Variants in FAM184B observed in about 807,000 individuals in gnomAD.
FAM184B encodes the protein family with sequence similarity 184 member B.
A neutral mutation model predicts 135.9 loss-of-function variants in FAM184B; 111 were observed. The observed-to-expected ratio is 0.82, with a 90% CI of 0.70 to 0.96. The LOEUF is 0.96. Ranked by LOEUF, FAM184B falls within the 40% of genes least tolerant of loss-of-function variation. FAM184B has a pLI of 0.00. For synonymous variants in FAM184B, 552 were observed against 524.8 expected, an observed-to-expected ratio of 1.05 and a Z score of -0.71; for missense variants, 1,375 against 1,323.9, an observed-to-expected ratio of 1.04 and a Z score of -0.60.
intron 12 of FAM184B, among the ~76,000 whole-genome samples, chr4:17,644,209 T>C (rs2108932195): frequency 6.6e-6 from 1 of 152,340 alleles, no homozygotes; most frequent in East Asian, 1.9e-4. Flanking sequence ...CTTTCTCCAA[T>C]GGGAACCACC....
At chr4:17,633,966 C>CTCACCCAATCAAAATTG (rs1715046216) in intron 16 of FAM184B, 78 bp from the exon 17 acceptor site, 3 of 1,159,210 alleles carry the variant, frequency 2.6e-6, no homozygotes, top group Non-Finnish European at 3.4e-6. Flanking sequence ...GCAAATAATG[C>CTCACCCAATCAAAATTG]TCACCCAATC....
At chr4:17,742,113 AATATAC>A (rs1413015851) in intron 1 of FAM184B, among the ~76,000 whole-genome samples, 2 of 147,410 alleles carry the variant, frequency 1.4e-5, no homozygotes, top group Admixed American at 6.9e-5. Context: ...ACTACAATAA[AATATAC>A]ATATACATAT....
At position 17,632,429 on chromosome 4, in the gene FAM184B, T is replaced by G; in HGVS notation, c.*103A>C. 1 of 973,902 alleles carries G rather than the reference T, an allele frequency of 1.0e-6. No homozygotes were observed. Among genetic ancestry groups the G allele is most frequent in the Non-Finnish European group, 1.5e-6 (1 of 657,138 alleles). The allele number at this position is 973,902 out of a possible 1,614,324, so 60.3% of individuals were successfully genotyped here. A position where few individuals can be genotyped will look rare whatever the true frequency, so the allele number is the denominator to read the frequency against. On this transcript the variant is annotated 3_prime_UTR_variant, in exon 18 of 18. Coordinates refer to ENST00000265018, the MANE Select transcript of FAM184B (RefSeq NM_015688.2). ...TGTTTTAGCTATCATATATAAATCA[T>G]AAGCATATTATTTGGTTGGTTGGTG...
rs559687534 is a variant in FAM184B, at chr4:17,761,201, A to C, written c.141+19958T>G. ...CTCAGCTCACTGTCAGCACAAAGGGAGTCCCCTCACATGTCCTTATTAGAA... is the reference window on the plus strand; with the variant it reads ...CTCAGCTCACTGTCAGCACAAAGGGCGTCCCCTCACATGTCCTTATTAGAA... On this transcript the variant is annotated intron_variant, in intron 1 of 17. Coordinates refer to ENST00000265018, the MANE Select transcript of FAM184B (RefSeq NM_015688.2). 1.1e-4 allele frequency among the ~76,000 whole-genome samples: 16 copies of C among 152,178 alleles called. No individual in the cohort carries two copies. The South Asian group carries it at 3.3e-3, about 32-fold the overall frequency.
At chr4:17,655,705 G>A (rs753502680) in intron 10 of FAM184B, among the ~76,000 whole-genome samples, 3 of 152,212 alleles carry the variant, frequency 2.0e-5, no homozygotes, top group Non-Finnish European at 2.9e-5. Context: ...GACACATAGT[G>A]TAGTGATCAT....
intron 8 of FAM184B, among the ~76,000 whole-genome samples, chr4:17,662,221 T>C (rs1428230786): frequency 6.6e-6 from 1 of 152,250 alleles, no homozygotes; most frequent in Non-Finnish European, 1.5e-5. Context: ...CATGAATACA[T>C]TGTAGTTTGT....
intron 11 of FAM184B, 53 bp downstream of exon 11, chr4:17,652,777 A>T (rs1418323578): frequency 6.6e-6 from 10 of 1,521,806 alleles, no homozygotes; most frequent in Non-Finnish European, 8.0e-6. Flanking sequence ...TGGTTTCTAC[A>T]TGCAGACCCT....
intron 5 of FAM184B, among the ~76,000 whole-genome samples, chr4:17,696,222 T>C (rs1289732939): frequency 6.6e-6 from 1 of 152,216 alleles, no homozygotes; most frequent in Non-Finnish European, 1.5e-5. Context: ...GTTAAACGCC[T>C]TGCCCAGGGT....
intron 15 of FAM184B, among the ~76,000 whole-genome samples, chr4:17,635,615 A>G (rs1487319508): frequency 6.6e-6 from 1 of 151,792 alleles, no homozygotes; most frequent in African/African-American, 2.4e-5. Flanking sequence ...AATTCCAGTT[A>G]TTACATAATT....
Position 17,750,139 on chromosome 4 carries a change from G to A in FAM184B, c.141+31020C>T, listed in dbSNP as rs149041808. Among the ~76,000 whole-genome samples the A allele has an allele frequency of 2.3e-3, 354 of 152,332 alleles. 1 individual carries two copies. Among genetic ancestry groups the A allele is most frequent in the African/African-American group, 8.2e-3 (341 of 41,580 alleles). On this transcript the variant is annotated intron_variant, in intron 1 of 17. Transcript: ENST00000265018. Reference sequence around the variant, plus strand: ...GTGAAATTTGAGGATGAAAGGGCATGAACATTTTTAAGAGTCATCATACAT... The same window carrying A: ...GTGAAATTTGAGGATGAAAGGGCATAAACATTTTTAAGAGTCATCATACAT...
chr4:17,747,556 C>G (rs113035009), intron 1 of FAM184B, among the ~76,000 whole-genome samples: 5,251 of 152,116 alleles, frequency 0.035, 241 homozygotes, highest in African/African-American at 0.1. Context: ...CTTTGGGAGG[C>G]CGAGGTGGGT....
rs1241568066 is a variant in FAM184B at position 17,709,084 on chromosome 4, C to T, written c.702G>A (p.Gln234=). 1.3e-5 allele frequency: 20 copies of T among 1,549,916 alleles called. No homozygotes were observed. The highest frequency in any genetic ancestry group is 1.7e-5 in the Non-Finnish European group (19 of 1,146,978). The change falls in exon 2 of 18, where the codon CAG becomes CAA. Residue 234 remains glutamine, a synonymous_variant. Transcript: ENST00000265018. ...CCTGGCTCACCGACTGCTGCATGGC[C>T]TGCCGGATGGCCTCGTTTTCCCTCT... ...TYERENEAIR[Q]AMQQSVSQAL...
chr4:17,704,045 G>T (rs564648940), intron 5 of FAM184B, among the ~76,000 whole-genome samples: 1 of 152,170 alleles, frequency 6.6e-6, no homozygotes, highest in South Asian at 2.1e-4. Flanking sequence ...GACTAGTCTT[G>T]ATCTTTCACC....
intron 12 of FAM184B, among the ~76,000 whole-genome samples, chr4:17,643,439 A>G (rs1011943639): frequency 7.9e-5 from 12 of 152,030 alleles, no homozygotes; most frequent in Non-Finnish European, 4.4e-5. Context: ...GGGCTGGTGC[A>G]TGGGTGGCCA....
chr4:17,705,958 G>T, intron 3 of FAM184B, 67 bp from the exon 4 acceptor site: 1 of 1,538,228 alleles, frequency 6.5e-7, no homozygotes, highest in Non-Finnish European at 8.8e-7. Flanking sequence ...AAGGCTTTCT[G>T]CTGTCAGGCC....
In FAM184B at chr4:17,734,743, C is replaced by G. The variant is rs1028942976; in HGVS notation, c.142-25099G>C. 4.6e-3 allele frequency among the ~76,000 whole-genome samples: 678 copies of G among 148,624 alleles called. 6 individuals carry two copies. Among genetic ancestry groups the G allele is most frequent in the African/African-American group, 0.016 (646 of 40,386 alleles). Reference sequence around the variant, plus strand: ...TTTACACTGTTGGTGGGACTGTAAACTAGTTCAACCATTGTGGAAGTCAGT... The same window carrying G: ...TTTACACTGTTGGTGGGACTGTAAAGTAGTTCAACCATTGTGGAAGTCAGT... On this transcript the variant is annotated intron_variant, in intron 1 of 17. Transcript: ENST00000265018.
chr4:17,750,763 A>C (rs1718272383), intron 1 of FAM184B, among the ~76,000 whole-genome samples: 1 of 152,170 alleles, frequency 6.6e-6, no homozygotes, highest in Admixed American at 6.5e-5. Context: ...CTTGGACCTG[A>C]TAGAGCCTAC....
At chr4:17,668,796 A>AAAG (rs1188789544) in intron 7 of FAM184B, among the ~76,000 whole-genome samples, 2 of 152,216 alleles carry the variant, frequency 1.3e-5, no homozygotes, top group African/African-American at 4.8e-5. Context: ...TTGGCCTCCC[A>AAAG]AAGTGCTGGG....
At chr4:17,764,972 G>C (rs1718627024) in intron 1 of FAM184B, among the ~76,000 whole-genome samples, 2 of 152,082 alleles carry the variant, frequency 1.3e-5, no homozygotes, top group Admixed American at 1.3e-4. Flanking sequence ...AGGCTAAGGT[G>C]GGAGGATCAC....
Sources: gnomAD v4.1 joint callset for allele counts (sites outside exome capture counted in the v4.1 genomes callset) on GRCh38, gnomAD v4.1.1 for gene constraint, MANE v1.5 for transcripts, NCBI Gene and HGNC (gene_info 2026-07-23, HGNC 2026-07-21) for gene names.